The following SCN11A variants were observed in gnomAD, a reference collection of about 807,000 sequenced individuals.
SCN11A encodes sodium channel protein type 11 subunit alpha.
A neutral mutation model predicts 162.2 loss-of-function variants in SCN11A; 122 were observed. That is an observed-to-expected ratio of 0.75 (90% CI 0.65 to 0.87). The LOEUF (loss-of-function observed/expected upper bound fraction) is 0.87. Among genes scored for constraint, SCN11A ranks in the 40% least tolerant of loss-of-function variants. The probability of loss-of-function intolerance (pLI) is 0.00; values close to 1 mark genes in which losing one functional copy is unlikely to be tolerated. For missense variants in SCN11A, 2,015 were observed against 2,181.6 expected (o/e 0.92, Z 1.52); for synonymous variants, 758 against 751.5 (o/e 1.01, Z -0.14).
Position 38,903,902 on chromosome 3 carries a change from T to C in SCN11A, c.1805A>G (p.Glu602Gly). The change falls in exon 16 of 30, where the codon GAG (glutamate) becomes GGG (glycine). Residue 602 changes from glutamate to glycine, a missense_variant. Transcript: ENST00000302328. The stretch of plus-strand genomic sequence containing the variant: ...ATTCAACATCTTCTCAAAACTGGCC[T>C]CCATCTTGTGATGCTCCATGGCCAA... ...VFLAMEHHKM[E>G]ASFEKMLNIG... The C allele has an allele frequency of 6.2e-7, 1 of 1,611,554 alleles. No individual in the cohort carries two copies. The highest frequency in any genetic ancestry group is 8.5e-7 in the Non-Finnish European group (1 of 1,179,136).
intron 23 of SCN11A, among the ~76,000 whole-genome samples, chr3:38,874,828 AGTT>A (rs542132182): frequency 5.4e-4 from 82 of 152,254 alleles, no homozygotes; most frequent in African/African-American, 1.9e-3. Context: ...CCCAGGTTCT[AGTT>A]GGTTTGTAAC....
intron 2 of SCN11A, among the ~76,000 whole-genome samples, chr3:39,012,366 A>C (rs2031165062): frequency 6.6e-6 from 1 of 152,066 alleles, no homozygotes; most frequent in Non-Finnish European, 1.5e-5. Context: ...TGTTGATTGA[A>C]TAAACTTGGT....
At chr3:38,977,016 G>A (rs2066853805) in intron 2 of SCN11A, among the ~76,000 whole-genome samples, 1 of 152,218 alleles carries the variant, frequency 6.6e-6, no homozygotes, top group Non-Finnish European at 1.5e-5. Context: ...TTCCAGAGCA[G>A]TAGTTTCTAA....
At chr3:38,850,340 G>C (rs2064754436) in intron 29 of SCN11A, 141 bp downstream of exon 29, 1 of 715,742 alleles carries the variant, frequency 1.4e-6, no homozygotes, top group African/African-American at 1.8e-5. Flanking sequence ...AATGGCATTA[G>C]TACCCCTGTC....
At chr3:38,880,199 T>C in intron 22 of SCN11A, 76 bp from the exon 23 acceptor site, 1 of 1,077,674 alleles carries the variant, frequency 9.3e-7, no homozygotes, top group Non-Finnish European at 1.3e-6. Context: ...CTTTTTGTTT[T>C]TCTTCCTTAT....
At chr3:39,038,190 T>C (rs2031956211) in intron 1 of SCN11A, among the ~76,000 whole-genome samples, 1 of 152,220 alleles carries the variant, frequency 6.6e-6, no homozygotes, top group Non-Finnish European at 1.5e-5. Context: ...TAAACATTTA[T>C]TGTTTCACAC....
intron 2 of SCN11A, among the ~76,000 whole-genome samples, chr3:39,007,463 C>T (rs2031010441): frequency 6.6e-6 from 1 of 152,058 alleles, no homozygotes; most frequent in African/African-American, 2.4e-5. Context: ...TGGCTGGGTT[C>T]CCTGGATAGC....
intron 1 of SCN11A, among the ~76,000 whole-genome samples, chr3:39,037,831 G>A (rs1487012203): frequency 6.6e-6 from 1 of 152,178 alleles, no homozygotes; most frequent in Non-Finnish European, 1.5e-5. Context: ...AATAAAGAAG[G>A]ATGTTAAACC....
chr3:38,955,843 T>G (rs1020973526), intron 3 of SCN11A, among the ~76,000 whole-genome samples: 4 of 152,244 alleles, frequency 2.6e-5, no homozygotes, highest in Admixed American at 6.5e-5. Context: ...CATTATGTCC[T>G]TAACCGAAGA....
intron 2 of SCN11A, among the ~76,000 whole-genome samples, chr3:38,990,036 A>G (rs1176928687): frequency 6.6e-6 from 1 of 152,170 alleles, no homozygotes; most frequent in African/African-American, 2.4e-5. Flanking sequence ...ATTCACTCTA[A>G]TTGACTTCCA....
At chr3:38,909,244 A>G (rs1027721371) in intron 12 of SCN11A, 50 bp from the exon 13 acceptor site, 1 of 1,585,166 alleles carries the variant, frequency 6.3e-7, no homozygotes, top group Non-Finnish European at 8.6e-7. Flanking sequence ...TTCCACAGGA[A>G]AGTGACCATC....
rs1345494255 is a variant in SCN11A, at chr3:38,870,741, T to C, written c.3763A>G (p.Thr1255Ala). 6.2e-7 allele frequency: 1 copy of C among 1,613,224 alleles called. No individual in the cohort carries two copies. The highest frequency in any genetic ancestry group is 1.7e-5 in the Admixed American group (1 of 59,966). ...ATAATATCCATCCAGCCCTTAAATG[T>C]TGCCTGCAACAAAAGCAGAAAAACA... Reference protein sequence around the residue: ...NAYLALLQVATFKGWMDIIYA... With the variant: ...NAYLALLQVAAFKGWMDIIYA... The change falls in exon 26 of 30, where the codon ACA becomes GCA. Residue 1255 changes from threonine to alanine, a missense_variant. Transcript: ENST00000302328.
chr3:38,886,961 T>C (rs919639620), intron 19 of SCN11A, among the ~76,000 whole-genome samples: 2 of 152,174 alleles, frequency 1.3e-5, no homozygotes, highest in African/African-American at 4.8e-5. Flanking sequence ...AGTCTCAAGA[T>C]ACAACTTTGA....
intron 2 of SCN11A, among the ~76,000 whole-genome samples, chr3:38,996,415 A>G (rs1447981496): frequency 1.3e-5 from 2 of 152,224 alleles, no homozygotes; most frequent in Admixed American, 6.5e-5. Context: ...CATAACATCA[A>G]CCATCATTTA....
At chr3:39,027,120 A>C (rs556789562) in intron 2 of SCN11A, among the ~76,000 whole-genome samples, 2 of 152,262 alleles carry the variant, frequency 1.3e-5, no homozygotes, top group East Asian at 3.9e-4. Context: ...AGAAAAAAAA[A>C]ATGTCCAGCA....
chr3:39,045,260 G>A (rs1442483137), intron 1 of SCN11A, among the ~76,000 whole-genome samples: 1 of 152,066 alleles, frequency 6.6e-6, no homozygotes. Flanking sequence ...CCAAAAAATT[G>A]AAGGGGAGGG....
intron 2 of SCN11A, among the ~76,000 whole-genome samples, chr3:38,973,403 T>C: frequency 6.7e-6 from 1 of 148,390 alleles, no homozygotes; most frequent in East Asian, 2.0e-4. Context: ...GGTGTTGAGA[T>C]ACACACACAC....
intron 1 of SCN11A, among the ~76,000 whole-genome samples, chr3:39,041,946 A>T (rs528510527): frequency 2.6e-4 from 39 of 152,314 alleles, no homozygotes; most frequent in African/African-American, 9.1e-4. Context: ...TTCCCAATTA[A>T]ACAATATAGA....
rs531189057 is a variant in SCN11A at position 38,845,826 on chromosome 3, G to A, written c.*868C>T. 9 of 152,198 alleles carry A rather than the reference G, an allele frequency of 5.9e-5. No homozygotes were observed. In the East Asian group the frequency reaches 1.7e-3, roughly 29 times the overall value. 9.4% of individuals were successfully genotyped at this position (152,198 alleles called of 1,614,324 possible). ...ATATATATATATATCTGAGATGGTA[G>A]CTTGTGAAAGGGTAGTAATTGACAA... On this transcript the variant is annotated 3_prime_UTR_variant, in exon 30 of 30. Transcript: ENST00000302328.
Sources: gnomAD v4.1 joint callset for allele counts (sites outside exome capture counted in the v4.1 genomes callset) on GRCh38, gnomAD v4.1.1 for gene constraint, MANE v1.5 for transcripts, NCBI Gene and HGNC (gene_info 2026-07-23, HGNC 2026-07-21) for gene names.